CDK19: variants seen among roughly 807,000 people sequenced by gnomAD.
CDK19 encodes the protein cyclin-dependent kinase 19.
In CDK19, 20 loss-of-function variants were observed where a neutral mutation model predicts 68.3. The observed-to-expected ratio is 0.29, with a 90% CI of 0.21 to 0.43. CDK19 has a LOEUF of 0.43. Among genes scored for constraint, CDK19 ranks in the 20% least tolerant of loss-of-function variants. CDK19 has a pLI of 1.00. For missense variants in CDK19, 339 were observed against 623.5 expected (o/e 0.54, Z 4.86); for synonymous variants, 221 against 222.8 (o/e 0.99, Z 0.07).
At chr6:110,688,337 C>CTA (rs201328968) in intron 2 of CDK19, among the ~76,000 whole-genome samples, 23,189 of 149,760 alleles carry the variant, frequency 0.15, 1,917 homozygotes, top group East Asian at 0.32. Context: ...AAACAAAAAA[C>CTA]TATATATATA....
intron 1 of CDK19, among the ~76,000 whole-genome samples, chr6:110,783,970 G>C (rs1284305656): frequency 2.0e-5 from 3 of 151,834 alleles, no homozygotes; most frequent in Admixed American, 2.0e-4. Context: ...GACCAGCCTG[G>C]CCAACATGGT....
chr6:110,789,154 G>A (rs1405612559), intron 1 of CDK19, among the ~76,000 whole-genome samples: 1 of 152,204 alleles, frequency 6.6e-6, no homozygotes, highest in Non-Finnish European at 1.5e-5. Flanking sequence ...AGTACAGTAT[G>A]TACAACAGTG....
intron 12 of CDK19, among the ~76,000 whole-genome samples, chr6:110,617,253 T>C (rs932328307): frequency 6.6e-6 from 1 of 152,154 alleles, no homozygotes; most frequent in African/African-American, 2.4e-5. Context: ...GTGTAAAAAC[T>C]GGACATAAAG....
Position 110,610,479 on chromosome 6 carries a change from GT to G in CDK19, c.*4055del, listed in dbSNP as rs34488411. On this transcript the variant is annotated 3_prime_UTR_variant, in exon 13 of 13. Transcript: ENST00000368911. ...TTTAGGAGATAACAGTGCATTAAGG[GT>G]TTTTTTTTTTATATAATACATACAT... 5,100 of 145,702 alleles carry G rather than the reference GT, an allele frequency of 0.035. 255 individuals carry two copies. Among genetic ancestry groups the G allele is most frequent in the African/African-American group, 0.11 (4,262 of 39,976 alleles). The allele number at this position is 145,702 out of a possible 1,614,324, so 9.0% of individuals were successfully genotyped here. A position where few individuals can be genotyped will look rare whatever the true frequency, so the allele number is the denominator to read the frequency against.
chr6:110,646,595 C>T lies in CDK19; in HGVS notation c.457-7889G>A, dbSNP rs79314481. On this transcript the variant is annotated intron_variant, in intron 4 of 12. Transcript: ENST00000368911. ...TGCAGGGGGTCAACCGGGCCAACGG[C>T]GGAGGGGGCGGGGAGGGGGGATTCG... 2,439 of 369,316 alleles carry T rather than the reference C, an allele frequency of 6.6e-3. 39 individuals carry two copies. Among genetic ancestry groups the T allele is most frequent in the African/African-American group, 0.047 (2,256 of 47,514 alleles). The allele number at this position is 369,316 out of a possible 1,614,324, so 22.9% of individuals were successfully genotyped here. A position where few individuals can be genotyped will look rare whatever the true frequency, so the allele number is the denominator to read the frequency against.
chr6:110,809,316 A>G (rs900380611), intron 1 of CDK19, among the ~76,000 whole-genome samples: 1 of 151,896 alleles, frequency 6.6e-6, no homozygotes, highest in Admixed American at 6.6e-5. Context: ...GGAGTTCGAG[A>G]CCAGCCTGGG....
chr6:110,764,555 G>A (rs756513305), intron 1 of CDK19, among the ~76,000 whole-genome samples: 2 of 152,144 alleles, frequency 1.3e-5, no homozygotes, highest in Non-Finnish European at 1.5e-5. Flanking sequence ...ACAACTGGAC[G>A]TGCATATGCT....
At chr6:110,791,051 G>A (rs1022038078) in intron 1 of CDK19, among the ~76,000 whole-genome samples, 2 of 151,886 alleles carry the variant, frequency 1.3e-5, no homozygotes, top group Non-Finnish European at 2.9e-5. Flanking sequence ...GGCACCTGTA[G>A]TCCCAGCTTC....
At chr6:110,715,731 C>T (rs1775336327) in intron 2 of CDK19, among the ~76,000 whole-genome samples, 1 of 152,212 alleles carries the variant, frequency 6.6e-6, no homozygotes, top group African/African-American at 2.4e-5. Flanking sequence ...ACATGATCCA[C>T]CTGCCTCGGC....
chr6:110,807,786 A>T (rs1027081246), intron 1 of CDK19, among the ~76,000 whole-genome samples: 1 of 151,474 alleles, frequency 6.6e-6, no homozygotes, highest in South Asian at 2.1e-4. Flanking sequence ...ACGCACATAT[A>T]CTATTTACAA....
intron 12 of CDK19, among the ~76,000 whole-genome samples, chr6:110,618,458 C>A (rs1778489446): frequency 1.3e-5 from 2 of 152,226 alleles, no homozygotes; most frequent in South Asian, 4.1e-4. Context: ...TATACCCACA[C>A]TCCCCTTTCT....
At chr6:110,780,388 CAA>C (rs57316757) in intron 1 of CDK19, among the ~76,000 whole-genome samples, 43 of 67,094 alleles carry the variant, frequency 6.4e-4, no homozygotes, top group African/African-American at 1.9e-3. Flanking sequence ...CACTCTGTCT[CAA>C]AAAAAAAAAA....
chr6:110,711,917 G>A (rs1774974058), intron 2 of CDK19, among the ~76,000 whole-genome samples: 2 of 152,232 alleles, frequency 1.3e-5, no homozygotes, highest in South Asian at 2.1e-4. Flanking sequence ...AGGTTGTAGT[G>A]AGCAGAGGTT....
chr6:110,637,641 T>C (rs1201626078), intron 5 of CDK19, among the ~76,000 whole-genome samples: 2 of 152,208 alleles, frequency 1.3e-5, no homozygotes, highest in Non-Finnish European at 2.9e-5. Flanking sequence ...TTTAACATAT[T>C]TCTAAAAAGC....
chr6:110,648,743 A>G (rs1350993684), intron 4 of CDK19, among the ~76,000 whole-genome samples: 7 of 150,878 alleles, frequency 4.6e-5, no homozygotes, highest in Non-Finnish European at 1.0e-4. Context: ...TTTGAGATGG[A>G]GTCTTGCTCT....
At chr6:110,788,635 C>T (rs1781398419) in intron 1 of CDK19, among the ~76,000 whole-genome samples, 1 of 152,066 alleles carries the variant, frequency 6.6e-6, no homozygotes, top group African/African-American at 2.4e-5. Flanking sequence ...CAATCCTGCA[C>T]CCACAGAGAA....
intron 2 of CDK19, among the ~76,000 whole-genome samples, chr6:110,745,293 T>C (rs1777997754): frequency 6.6e-6 from 1 of 152,176 alleles, no homozygotes; most frequent in Non-Finnish European, 1.5e-5. Context: ...TACACACTCA[T>C]TAAATGTTTA....
chr6:110,623,567 C>T (rs1348014151), intron 8 of CDK19: 1 of 275,688 alleles, frequency 3.6e-6, no homozygotes, highest in African/African-American at 2.3e-5. Flanking sequence ...TATACTGTTA[C>T]AATCCCTTTG....
chr6:110,683,037 A>C (rs1231921615), intron 2 of CDK19, among the ~76,000 whole-genome samples: 2 of 151,578 alleles, frequency 1.3e-5, no homozygotes, highest in African/African-American at 4.8e-5. Context: ...TTAGCCAGGC[A>C]TGGTGGTGGG....
Sources: gnomAD v4.1 joint callset for allele counts (sites outside exome capture counted in the v4.1 genomes callset) on GRCh38, gnomAD v4.1.1 for gene constraint, MANE v1.5 for transcripts, NCBI Gene and HGNC (gene_info 2026-07-23, HGNC 2026-07-21) for gene names.